ADARB1: variants seen among roughly 807,000 people sequenced by gnomAD.
ADARB1 encodes double-stranded RNA-specific editase 1.
ADARB1 carries 10 observed loss-of-function variants against 52.4 expected under a neutral mutation model. The observed-to-expected ratio is 0.19, with a 90% confidence interval of 0.12 to 0.32. ADARB1 has a LOEUF of 0.32. ADARB1 is among the 10% of genes least tolerant of loss of function. The probability of loss-of-function intolerance (pLI) is 1.00; values close to 1 mark genes in which losing one functional copy is unlikely to be tolerated. For missense variants in ADARB1, 643 were observed against 922.3 expected (o/e 0.70, Z 3.92); for synonymous variants, 349 against 371.1 (o/e 0.94, Z 0.68).
At position 45,171,662 on chromosome 21, in the gene ADARB1, T is replaced by C. The variant is rs1188756903; in HGVS notation, c.6T>C (p.Asp2=). The change falls in exon 3 of 11, where the codon GAT becomes GAC. Residue 2 remains aspartate (D), a synonymous_variant. Coordinates refer to ENST00000348831, the MANE Select transcript of ADARB1 (RefSeq NM_001112.4). ...ACCCTCAAAAGTATTTTGCCATGGA[T>C]ATAGAAGATGAAGAAAACATGAGTA... M[D]IEDEENMSSS... 2 of 1,613,844 alleles carry C rather than the reference T, an allele frequency of 1.2e-6. No homozygotes were observed. The highest frequency in any genetic ancestry group is 2.2e-5 in the South Asian group (2 of 90,994).
chr21:45,122,634 G>T (rs867467389), intron 1 of ADARB1, among the ~76,000 whole-genome samples: 6 of 152,212 alleles, frequency 3.9e-5, no homozygotes, highest in African/African-American at 1.4e-4. Context: ...GTGGGCGGAG[G>T]TGGGAGACGT....
At position 45,217,363 on chromosome 21, in the gene ADARB1, TG is replaced by T. The variant is rs528162091; in HGVS notation, c.1748-3472del. 5.9e-5 allele frequency among the ~76,000 whole-genome samples: 9 copies of T among 152,240 alleles called. No individual in the cohort carries two copies. The South Asian group carries it at 1.9e-3, about 32-fold the overall frequency. On this transcript the variant is annotated intron_variant, in intron 9 of 10. Transcript: ENST00000348831. Reference sequence around the variant, plus strand: ...TTTGACTCCTTCTTGACTTTTGAGCTGTAACTTTTGTTAATTTGGTGGTGGT... The same window carrying T: ...TTTGACTCCTTCTTGACTTTTGAGCTTAACTTTTGTTAATTTGGTGGTGGT...
At chr21:45,187,851 G>C (rs1255090428) in intron 8 of ADARB1, among the ~76,000 whole-genome samples, 2 of 152,094 alleles carry the variant, frequency 1.3e-5, no homozygotes, top group Non-Finnish European at 2.9e-5. Context: ...TTGCATTCCA[G>C]GAGTATCATA....
At chr21:45,088,934 A>G (rs1436413400) in intron 1 of ADARB1, among the ~76,000 whole-genome samples, 1 of 152,210 alleles carries the variant, frequency 6.6e-6, no homozygotes, top group Non-Finnish European at 1.5e-5. Flanking sequence ...GACGTCCTGC[A>G]AAATACCTCA....
chr21:45,225,369 C>T lies in ADARB1; in HGVS notation c.*3172C>T, dbSNP rs2093044836. 6.4e-6 allele frequency: 8 copies of T among 1,249,458 alleles called. No individual in the cohort carries two copies. Among genetic ancestry groups the T allele is most frequent in the Non-Finnish European group, 8.0e-6 (8 of 996,026 alleles). The allele number at this position is 1,249,458 out of a possible 1,614,324, so 77.4% of individuals were successfully genotyped here. A position where few individuals can be genotyped will look rare whatever the true frequency, so the allele number is the denominator to read the frequency against. On this transcript the variant is annotated 3_prime_UTR_variant, in exon 11 of 11. Coordinates refer to ENST00000348831, the MANE Select transcript of ADARB1 (RefSeq NM_001112.4). ...TAATTTAACTTTTCATCATCTTTTCCTATTTTGGAGAATTTTTTGTAATTA... is the reference window on the plus strand; with the variant it reads ...TAATTTAACTTTTCATCATCTTTTCTTATTTTGGAGAATTTTTTGTAATTA...
At chr21:45,160,192 C>A (rs1478233010) in intron 2 of ADARB1, among the ~76,000 whole-genome samples, 1 of 152,234 alleles carries the variant, frequency 6.6e-6, no homozygotes, top group East Asian at 1.9e-4. Context: ...AAGGAAAACA[C>A]ATGGTCTTTA....
intron 8 of ADARB1, among the ~76,000 whole-genome samples, chr21:45,195,074 G>A (rs1018036445): frequency 3.9e-5 from 6 of 152,194 alleles, no homozygotes; most frequent in African/African-American, 1.4e-4. Context: ...AGTATTCAGT[G>A]TTGTCAGCAG....
intron 2 of ADARB1, among the ~76,000 whole-genome samples, chr21:45,135,613 C>T (rs905704055): frequency 6.6e-6 from 1 of 152,212 alleles, no homozygotes; most frequent in Non-Finnish European, 1.5e-5. Flanking sequence ...AGCAGAAAGA[C>T]TAGAAGAGAC....
In ADARB1 at chr21:45,134,126, G is replaced by A. The variant is rs528240708; in HGVS notation, c.-48+5553G>A. Among the ~76,000 whole-genome samples, 114 of 109,436 alleles carry A rather than the reference G, an allele frequency of 1.0e-3. 1 individual carries two copies. Among genetic ancestry groups the A allele is most frequent in the African/African-American group, 3.7e-3 (101 of 27,096 alleles). 71.8% of individuals were successfully genotyped at this position (109,436 alleles called of 152,430 possible). A position where few individuals can be genotyped will look rare whatever the true frequency, so the allele number is the denominator to read the frequency against. On this transcript the variant is annotated intron_variant, in intron 2 of 10. Coordinates refer to ENST00000348831, the MANE Select transcript of ADARB1 (RefSeq NM_001112.4). Reference sequence around the variant, plus strand: ...GTGCCCGACAGTGGTGTGTGCGCCCGACGGGGGTGTGTGCCCGACAGTGGT... The same window carrying A: ...GTGCCCGACAGTGGTGTGTGCGCCCAACGGGGGTGTGTGCCCGACAGTGGT...
At chr21:45,133,773 C>T (rs574139001) in intron 2 of ADARB1, 11 of 201,986 alleles carry the variant, frequency 5.4e-5, no homozygotes, top group South Asian at 2.7e-4. Flanking sequence ...TGTGTGCGCC[C>T]GATGGGTGTG....
At position 45,176,392 on chromosome 21, in the gene ADARB1, C is replaced by G. The variant is rs922920611; in HGVS notation, c.691C>G (p.Pro231Ala). The G allele has an allele frequency of 6.2e-7, 1 of 1,614,188 alleles. No homozygotes were observed. The highest frequency in any genetic ancestry group is 8.5e-7 in the Non-Finnish European group (1 of 1,180,026). Residue 231 changes from proline to alanine, a missense_variant, in exon 4 of 11, where the codon CCG becomes GCG. Pro to Ala is a conservative substitution (Grantham distance 27). Around this residue, in one of 2 missense-constraint regions of ADARB1, gnomAD observed 380 missense variants for 446.5 expected, o/e 0.85. Coordinates refer to ENST00000348831, the MANE Select transcript of ADARB1 (RefSeq NM_001112.4). This position sits in a 1 kb window ranked among gnomAD's most constrained non-coding sequence, Gnocchi z 5.8. ...PLPVLPPFPPPSGKNPVMILN... is the reference protein window; with the variant it reads ...PLPVLPPFPPASGKNPVMILN... ...CCCTGTCTTACCACCATTCCCACCC[C>G]CGAGTGGGAAGAATCCCGTGATGAT...
chr21:45,177,062 C>T (rs2838799), intron 4 of ADARB1: 84,507 of 164,152 alleles, frequency 0.51, 22,249 homozygotes, highest in South Asian at 0.57. Context: ...CATTTTCCTT[C>T]AAAGGTCTCA....
intron 1 of ADARB1, among the ~76,000 whole-genome samples, chr21:45,077,116 C>T (rs2085970095): frequency 6.6e-6 from 1 of 152,178 alleles, no homozygotes; most frequent in African/African-American, 2.4e-5. Flanking sequence ...CATATTCTTA[C>T]ACGTGGGTAC....
At chr21:45,124,377 C>G (rs1325152494) in intron 1 of ADARB1, among the ~76,000 whole-genome samples, 1 of 151,924 alleles carries the variant, frequency 6.6e-6, no homozygotes, top group Non-Finnish European at 1.5e-5. Context: ...CTTTTCTTCT[C>G]TTTTCTTTTT....
chr21:45,103,702 T>G (rs536973166), intron 1 of ADARB1, among the ~76,000 whole-genome samples: 4 of 152,176 alleles, frequency 2.6e-5, no homozygotes, highest in Admixed American at 6.5e-5. Flanking sequence ...ACTCCTGTAT[T>G]AAACCATGCT....
chr21:45,148,176 C>T (rs1167595779), intron 2 of ADARB1, among the ~76,000 whole-genome samples: 4 of 152,334 alleles, frequency 2.6e-5, no homozygotes, highest in African/African-American at 9.6e-5. Flanking sequence ...TCCCACTCAC[C>T]TCCTCCTTGG....
chr21:45,204,413 T>C lies in ADARB1; in HGVS notation c.1566-142T>C. On this transcript the variant is annotated intron_variant, in intron 8 of 10. Transcript: ENST00000348831. The surrounding 1 kb of genome is among the most constrained non-coding windows in gnomAD (Gnocchi z 4.4). The stretch of plus-strand genomic sequence containing the variant: ...ATCGTAAGCTGCTAAATCAGTCTGT[T>C]AACTTTTTGTTGCACTCCTTCGTCA... 2.8e-6 allele frequency: 2 copies of C among 717,092 alleles called. No individual in the cohort carries two copies. Among genetic ancestry groups the C allele is most frequent in the Non-Finnish European group, 4.6e-6 (2 of 432,824 alleles). The allele number at this position is 717,092 out of a possible 1,614,324, so 44.4% of individuals were successfully genotyped here.
chr21:45,150,518 A>G (rs1010139797), intron 2 of ADARB1, among the ~76,000 whole-genome samples: 2 of 152,224 alleles, frequency 1.3e-5, no homozygotes, highest in Admixed American at 6.5e-5. Flanking sequence ...GTTAAATCAT[A>G]TTAATAATTT....
At chr21:45,118,732 A>C (rs1200031416) in intron 1 of ADARB1, 1 of 152,010 alleles carries the variant, frequency 6.6e-6, no homozygotes, top group Non-Finnish European at 1.5e-5. Context: ...GCGTGCCCAT[A>C]TTGGGATCAC....
Sources: allele counts gnomAD v4.1 joint callset (sites outside exome capture counted in the v4.1 genomes callset), GRCh38; gene constraint gnomAD v4.1.1; regional missense constraint gnomAD v4.1.1; non-coding constraint Gnocchi (gnomAD v3.1); transcripts MANE v1.5; gene names NCBI Gene and HGNC (gene_info 2026-07-23, HGNC 2026-07-21).